FAT1: variants seen among roughly 807,000 people sequenced by gnomAD.
FAT1 encodes the protein FAT atypical cadherin 1.
In FAT1, 171 loss-of-function variants were observed where a neutral mutation model predicts 329.8. That is an observed-to-expected ratio of 0.52 (90% CI 0.46 to 0.59). FAT1 has a LOEUF of 0.59. Among genes scored for constraint, FAT1 ranks in the 20% least tolerant of loss-of-function variants. The pLI is 0.00. For missense variants in FAT1, 5,672 were observed against 5,774.4 expected, an observed-to-expected ratio of 0.98 and a Z score of 0.57; for synonymous variants, 2,233 against 2,228.6, an observed-to-expected ratio of 1.00 and a Z score of -0.06.
At chr4:186,615,766 CTT>C (rs1029640574) in intron 11 of FAT1, among the ~76,000 whole-genome samples, 4 of 151,914 alleles carry the variant, frequency 2.6e-5, no homozygotes, top group African/African-American at 7.3e-5. Context: ...ATAGCTCTCT[CTT>C]CTTTTTCCCT....
rs750116344 is a variant in FAT1, at chr4:186,636,788, G to C, written c.3769C>G (p.Arg1257Gly). 1 of 1,613,936 alleles carries C rather than the reference G, an allele frequency of 6.2e-7. No individual in the cohort carries two copies. The highest frequency in any genetic ancestry group is 1.7e-5 in the Admixed American group (1 of 60,024). ...QKFYKIRLPE[R>G]EKPDRERNAR... is the part of the protein sequence containing the mutation. ...TTTCTTTCTCGGTCTGGCTTTTCCC[G>C]CTCAGGGAGTCTGATTTTGTAGAAC... The change falls in exon 5 of 27, where the codon CGG becomes GGG. Residue 1257 changes from arginine (R) to glycine (G), a missense_variant. By Grantham distance (125) the Arg-to-Gly change is moderately radical. Transcript: ENST00000441802.
rs1417346500 is a variant in FAT1 at position 186,601,405 on chromosome 4, G to C, written c.11504C>G (p.Thr3835Ser). Residue 3835 changes from threonine to serine, a missense_variant, in exon 21 of 27, where the codon ACT becomes AGT. Around this residue, in one of 2 missense-constraint regions of FAT1, gnomAD observed 1,706 missense variants for 1,859.1 expected, o/e 0.92. Transcript: ENST00000441802. Reference sequence around the variant, plus strand: ...ACGGTATTTCACGTAGCTGTTTCCAGTCAGTGTCATAGATGAACTCCCTGT... The same window carrying C: ...ACGGTATTTCACGTAGCTGTTTCCACTCAGTGTCATAGATGAACTCCCTGT... ...QCPGSSSMTL[T>S]GNSYVKYRLT... 6.2e-7 allele frequency: 1 copy of C among 1,612,538 alleles called. No homozygotes were observed.
chr4:186,590,259 G>T, intron 26 of FAT1: 1 of 542,468 alleles, frequency 1.8e-6, no homozygotes, highest in Non-Finnish European at 3.2e-6. Context: ...CGTGTACTTA[G>T]TTACTGCTGC....
At chr4:186,593,429 T>C (rs1336588393) in intron 26 of FAT1, among the ~76,000 whole-genome samples, 3 of 152,214 alleles carry the variant, frequency 2.0e-5, no homozygotes, top group African/African-American at 7.2e-5. Context: ...GGCCCTCAAA[T>C]AGTCCACGTC....
At chr4:186,713,544 G>A (rs1450126309) in intron 1 of FAT1, among the ~76,000 whole-genome samples, 1 of 152,098 alleles carries the variant, frequency 6.6e-6, no homozygotes, top group African/African-American at 2.4e-5. Flanking sequence ...CTGTATTCTT[G>A]GTAAGGAAGT....
intron 3 of FAT1, among the ~76,000 whole-genome samples, chr4:186,658,345 A>T (rs1742013129): frequency 6.6e-6 from 1 of 152,126 alleles, no homozygotes; most frequent in African/African-American, 2.4e-5. Flanking sequence ...AAAAAAGTTC[A>T]CTCAAACTTG....
chr4:186,630,442 C>T (rs1472945435), intron 7 of FAT1, among the ~76,000 whole-genome samples: 2 of 152,126 alleles, frequency 1.3e-5, no homozygotes, highest in East Asian at 3.9e-4. Context: ...GTCAAATACG[C>T]AGAGCCTCGA....
intron 2 of FAT1, among the ~76,000 whole-genome samples, chr4:186,700,572 A>C (rs1425899105): frequency 3.3e-5 from 5 of 152,216 alleles, no homozygotes; most frequent in Admixed American, 1.3e-4. Flanking sequence ...TCAAGGCTGC[A>C]ACCTGGCCTA....
intron 6 of FAT1, among the ~76,000 whole-genome samples, chr4:186,634,611 GA>G (rs112037232): frequency 0.077 from 11,206 of 145,768 alleles, 607 homozygotes; most frequent in African/African-American, 0.16. Flanking sequence ...CGCACACTAT[GA>G]AAAAAAAAAC....
At chr4:186,601,846 T>C (rs1390016661) in intron 20 of FAT1, 2 of 156,896 alleles carry the variant, frequency 1.3e-5, no homozygotes, top group East Asian at 1.9e-4. Flanking sequence ...CATAAAATTA[T>C]GTAGAACTGA....
chr4:186,679,621 C>T (rs1743120776), intron 2 of FAT1, among the ~76,000 whole-genome samples: 1 of 151,630 alleles, frequency 6.6e-6, no homozygotes, highest in African/African-American at 2.4e-5. Context: ...AAAAACATAG[C>T]ATAGTACTTA....
At chr4:186,699,018 C>G (rs1288786553) in intron 2 of FAT1, among the ~76,000 whole-genome samples, 1 of 152,182 alleles carries the variant, frequency 6.6e-6, no homozygotes, top group Non-Finnish European at 1.5e-5. Context: ...TTGGCACAGA[C>G]ATGAACTCCA....
At chr4:186,646,995 T>C (rs1741416478) in intron 3 of FAT1, among the ~76,000 whole-genome samples, 1 of 152,188 alleles carries the variant, frequency 6.6e-6, no homozygotes, top group African/African-American at 2.4e-5. Flanking sequence ...CTAAATTAAA[T>C]CTATGTTCAT....
chr4:186,611,649 AG>A lies in FAT1; in HGVS notation c.9589del (p.Leu3197SerfsTer3), dbSNP rs1278052989. 6.2e-7 allele frequency: 1 copy of A among 1,613,124 alleles called. No individual in the cohort carries two copies. The highest frequency in any genetic ancestry group is 2.2e-5 in the East Asian group (1 of 44,858). On this transcript the variant is annotated frameshift_variant, in exon 14 of 27. Coordinates refer to ENST00000441802, the MANE Select transcript of FAT1 (RefSeq NM_005245.4). LOFTEE classifies it high-confidence loss of function. ...LDRELQAVYT[L>X]SLKAVDQGLP... ...GCCTTGATCCACAGCTTTCAAAGAG[AG>A]GGTGTATACTGCCTGGAGTTCTCTG...
At chr4:186,658,993 C>T (rs1234294770) in intron 3 of FAT1, among the ~76,000 whole-genome samples, 5 of 152,216 alleles carry the variant, frequency 3.3e-5, no homozygotes. Context: ...CACTGCATAA[C>T]GACGTGTCAG....
Position 186,636,214 on chromosome 4 carries a change from G to A in FAT1, c.3994C>T (p.Arg1332Cys), listed in dbSNP as rs754907142. Residue 1332 changes from arginine (R) to cysteine (C), a missense_variant, in exon 6 of 27, where the codon CGC becomes TGC. This residue lies in a region of FAT1 where 3,966 missense variants were observed against 3,915.2 expected (regional missense o/e 1.01). Coordinates refer to ENST00000441802, the MANE Select transcript of FAT1 (RefSeq NM_005245.4). ...ILSIKAVDNGRPQKSSTTRLH... is the reference protein window; with the variant it reads ...ILSIKAVDNGCPQKSSTTRLH... Reference sequence around the variant, plus strand: ...CTGGTGGTTGATGACTTTTGAGGGCGACCATTGTCAACTGCCTTAATCTAC... The same window carrying A: ...CTGGTGGTTGATGACTTTTGAGGGCAACCATTGTCAACTGCCTTAATCTAC... 1.5e-5 allele frequency: 24 copies of A among 1,613,836 alleles called. No individual in the cohort carries two copies. The highest frequency in any genetic ancestry group is 1.6e-4 in the Middle Eastern group (1 of 6,084).
rs1318413686 is a variant in FAT1 at position 186,610,670 on chromosome 4, T to A, written c.9854-655A>T. 1.6e-4 allele frequency among the ~76,000 whole-genome samples: 11 copies of A among 68,820 alleles called. 1 individual carries two copies. The highest frequency in any genetic ancestry group is 3.2e-4 in the South Asian group (1 of 3,134). 45.1% of individuals were successfully genotyped at this position (68,820 alleles called of 152,430 possible). A position where few individuals can be genotyped will look rare whatever the true frequency, so the allele number is the denominator to read the frequency against. ...ATTTATATAAATATAAATTATATAATTTATATAAATATAAATTATATAATT... is the reference window on the plus strand; with the variant it reads ...ATTTATATAAATATAAATTATATAAATTATATAAATATAAATTATATAATT... On this transcript the variant is annotated intron_variant, in intron 14 of 26. Coordinates refer to ENST00000441802, the MANE Select transcript of FAT1 (RefSeq NM_005245.4).
Position 186,618,912 on chromosome 4 carries a change from G to C in FAT1, c.7674C>G (p.Thr2558=), listed in dbSNP as rs745741896. ...GGACTGAGATCACTTTCTCCGCCGG[G>C]GTTTCTCGATCAAGTTTTTCCAAAG... is the stretch of plus-strand genomic sequence containing the variant. ...IFTLEKLDRE[T]PAEKVISVRL... Residue 2558 remains threonine, a synonymous_variant, in exon 10 of 27, where the codon ACC becomes ACG. Coordinates refer to ENST00000441802, the MANE Select transcript of FAT1 (RefSeq NM_005245.4). 1 of 1,613,884 alleles carries C rather than the reference G, an allele frequency of 6.2e-7. No homozygotes were observed. The highest frequency in any genetic ancestry group is 8.5e-7 in the Non-Finnish European group (1 of 1,179,864).
chr4:186,651,806 C>T (rs977550323), intron 3 of FAT1, among the ~76,000 whole-genome samples: 13 of 152,174 alleles, frequency 8.5e-5, no homozygotes, highest in Admixed American at 6.5e-5. Flanking sequence ...CGGAGATCTC[C>T]GCAGCACCGC....
Sources: gnomAD v4.1 joint callset for allele counts (sites outside exome capture counted in the v4.1 genomes callset) on GRCh38, gnomAD v4.1.1 for gene constraint, gnomAD v4.1.1 regional missense constraint, MANE v1.5 for transcripts, NCBI Gene and HGNC (gene_info 2026-07-23, HGNC 2026-07-21) for gene names.